CDH4: variants seen among roughly 807,000 people sequenced by gnomAD.
CDH4 encodes the protein cadherin-4.
A neutral mutation model predicts 86.0 loss-of-function variants in CDH4; 33 were observed. The observed-to-expected ratio is 0.38, with a 90% CI of 0.29 to 0.51. The LOEUF is 0.51. Ranked by LOEUF, CDH4 falls within the 20% of genes least tolerant of loss-of-function variation. The probability of loss-of-function intolerance (pLI) is 0.86; values close to 1 mark genes in which losing one functional copy is unlikely to be tolerated. For missense variants in CDH4, 1,114 were observed against 1,307.4 expected (o/e 0.85, Z 2.28); for synonymous variants, 555 against 549.4 (o/e 1.01, Z -0.14).
intron 2 of CDH4, among the ~76,000 whole-genome samples, chr20:61,294,239 C>T (rs2123189594): frequency 1.3e-5 from 2 of 152,316 alleles, no homozygotes; most frequent in African/African-American, 2.4e-5. Flanking sequence ...AGCCCTGGTT[C>T]CCTGAGCTGG....
At chr20:61,802,363 CCACCCTGCTGT>C (rs1404222123) in intron 4 of CDH4, among the ~76,000 whole-genome samples, 3 of 152,304 alleles carry the variant, frequency 2.0e-5, no homozygotes, top group South Asian at 2.1e-4. Flanking sequence ...CACCCTGCAG[CCACCCTGCTGT>C]GTGTAGCCGA....
intron 2 of CDH4, among the ~76,000 whole-genome samples, chr20:61,589,747 T>A (rs558132363): frequency 6.6e-6 from 1 of 151,506 alleles, no homozygotes; most frequent in African/African-American, 2.4e-5. Flanking sequence ...CCTAATGTTA[T>A]CCCTCCCCTC....
At chr20:61,563,618 C>T (rs737666) in intron 2 of CDH4, among the ~76,000 whole-genome samples, 40,539 of 152,140 alleles carry the variant, frequency 0.27, 5,986 homozygotes, top group African/African-American at 0.39. Context: ...GGGGCCAGGT[C>T]ACTCTGCCAG....
intron 2 of CDH4, among the ~76,000 whole-genome samples, chr20:61,500,139 C>T (rs753118069): frequency 2.0e-5 from 3 of 152,226 alleles, no homozygotes; most frequent in Non-Finnish European, 4.4e-5. Context: ...AGCAGGGCGT[C>T]CCCTGGCCTC....
intron 2 of CDH4, among the ~76,000 whole-genome samples, chr20:61,276,919 C>T (rs915038214): frequency 6.6e-6 from 1 of 152,150 alleles, no homozygotes; most frequent in African/African-American, 2.4e-5. Flanking sequence ...GCAGGGGATC[C>T]TAGAGACTCT....
intron 2 of CDH4, among the ~76,000 whole-genome samples, chr20:61,446,786 C>T (rs1341140788): frequency 3.9e-5 from 6 of 152,146 alleles, no homozygotes; most frequent in African/African-American, 1.2e-4. Flanking sequence ...CACCTTAACC[C>T]AGGGTATGTG....
chr20:61,694,638 ACTC>A lies in CDH4; in HGVS notation c.170-48922_170-48920del, dbSNP rs539646132. The stretch of plus-strand genomic sequence containing the variant: ...CTGGGGTTCTGGGATAGAAGTAAAA[ACTC>A]CTAAAAACAGGCACCTCCAGGAGGA... On this transcript the variant is annotated intron_variant, in intron 2 of 15. Coordinates refer to ENST00000614565, the MANE Select transcript of CDH4 (RefSeq NM_001794.5). 1.5e-3 allele frequency among the ~76,000 whole-genome samples: 228 copies of A among 151,748 alleles called. 2 individuals are homozygous for A. The highest frequency in any genetic ancestry group is 2.8e-3 in the Non-Finnish European group (190 of 67,900).
intron 2 of CDH4, among the ~76,000 whole-genome samples, chr20:61,579,698 G>C (rs1203591985): frequency 6.6e-6 from 1 of 152,122 alleles, no homozygotes; most frequent in Non-Finnish European, 1.5e-5. Flanking sequence ...CTGCCCCGAT[G>C]CAGAGCACGG....
At chr20:61,534,143 G>A (rs773642012) in intron 2 of CDH4, among the ~76,000 whole-genome samples, 3 of 152,228 alleles carry the variant, frequency 2.0e-5, no homozygotes, top group Admixed American at 1.3e-4. Flanking sequence ...ACATCCAGCT[G>A]GAAATATTGA....
At chr20:61,924,948 G>C (rs80055580) in intron 11 of CDH4, among the ~76,000 whole-genome samples, 1 of 152,130 alleles carries the variant, frequency 6.6e-6, no homozygotes, top group African/African-American at 2.4e-5. Flanking sequence ...CATCCTGCGG[G>C]GAAGGCCCAG....
intron 2 of CDH4, among the ~76,000 whole-genome samples, chr20:61,358,848 C>A (rs1473704112): frequency 6.6e-6 from 1 of 152,176 alleles, no homozygotes; most frequent in Non-Finnish European, 1.5e-5. Context: ...AAACCGTTCC[C>A]TCTACAGGGA....
At chr20:61,928,153 G>T (rs1374318313) in intron 11 of CDH4, 37 bp from the exon 12 acceptor site, 10 of 1,529,686 alleles carry the variant, frequency 6.5e-6, no homozygotes, top group African/African-American at 1.4e-5. Flanking sequence ...TGGAGTACCA[G>T]GAGTGGCCCG....
intron 2 of CDH4, among the ~76,000 whole-genome samples, chr20:61,633,398 C>G (rs1387119013): frequency 2.0e-5 from 3 of 152,082 alleles, no homozygotes; most frequent in Non-Finnish European, 4.4e-5. Flanking sequence ...TCCATCCATC[C>G]ACCCACCCAC....
rs2087555671 is a variant in CDH4 at position 61,684,792 on chromosome 20, T to A, written c.170-58771T>A. On this transcript the variant is annotated intron_variant, in intron 2 of 15. Transcript: ENST00000614565. The surrounding 1 kb of genome is among the most constrained non-coding windows in gnomAD (Gnocchi z 4.5). Reference sequence around the variant, plus strand: ...ATCTGCAGCCCACAGCCGCCTGCCGTGACCACCCCTCGATGTGGGTGAGGT... The same window carrying A: ...ATCTGCAGCCCACAGCCGCCTGCCGAGACCACCCCTCGATGTGGGTGAGGT... Among the ~76,000 whole-genome samples, 1 of 152,200 alleles carries A rather than the reference T, an allele frequency of 6.6e-6. No homozygotes were observed. Among genetic ancestry groups the A allele is most frequent in the Non-Finnish European group, 1.5e-5 (1 of 68,038 alleles).
intron 2 of CDH4, among the ~76,000 whole-genome samples, chr20:61,732,337 A>G (rs2386945): frequency 0.42 from 64,148 of 151,846 alleles, 14,000 homozygotes; most frequent in African/African-American, 0.48. Context: ...TTCAAGTCCC[A>G]GCTCTCCAAC....
chr20:61,877,525 C>T (rs1032423433), intron 7 of CDH4, among the ~76,000 whole-genome samples: 6 of 152,142 alleles, frequency 3.9e-5, no homozygotes, highest in East Asian at 1.9e-4. Flanking sequence ...TGGCGTTCTC[C>T]GCTGTGTGTG....
rs1262479168 is a variant in CDH4 at position 61,937,956 on chromosome 20, C to T, written c.*1013C>T. The stretch of plus-strand genomic sequence containing the variant: ...GGAGGGCTGTGCAGATGGCAGGAAC[C>T]AAGGACCCTCCCTGGCAGCTGAAGA... On this transcript the variant is annotated 3_prime_UTR_variant, in exon 16 of 16. Transcript: ENST00000614565. The T allele has an allele frequency of 6.6e-6, 1 of 152,468 alleles. No homozygotes were observed. The highest frequency in any genetic ancestry group is 1.5e-5 in the Non-Finnish European group (1 of 68,244). The allele number at this position is 152,468 out of a possible 1,614,324, so 9.4% of individuals were successfully genotyped here. A position where few individuals can be genotyped will look rare whatever the true frequency, so the allele number is the denominator to read the frequency against.
intron 7 of CDH4, among the ~76,000 whole-genome samples, chr20:61,874,615 G>A (rs956556830): frequency 1.3e-5 from 2 of 152,140 alleles, no homozygotes; most frequent in Non-Finnish European, 2.9e-5. Flanking sequence ...TCCAGCACTG[G>A]GCTGTGCGTT....
At chr20:61,600,517 T>G (rs1340753395) in intron 2 of CDH4, among the ~76,000 whole-genome samples, 1 of 152,156 alleles carries the variant, frequency 6.6e-6, no homozygotes, top group African/African-American at 2.4e-5. Context: ...GGGACAGCGG[T>G]GAGAATCTAA....
Sources: gnomAD v4.1 joint callset for allele counts (sites outside exome capture counted in the v4.1 genomes callset) on GRCh38, gnomAD v4.1.1 for gene constraint, Gnocchi (gnomAD v3.1) non-coding constraint, MANE v1.5 for transcripts, NCBI Gene and HGNC (gene_info 2026-07-23, HGNC 2026-07-21) for gene names.